The following FBXO4 variants were observed in gnomAD, a reference collection of about 807,000 sequenced individuals.
FBXO4 encodes F-box protein 4, also known as F-box only protein 4.
Under a neutral mutation model 43.7 loss-of-function variants are expected in FBXO4, and 36 were observed. That is an observed-to-expected ratio of 0.82 (90% confidence interval 0.63 to 1.09). The LOEUF is 1.09. Ranked by LOEUF, FBXO4 falls within the 50% of genes least tolerant of loss-of-function variation. The probability of loss-of-function intolerance (pLI) is 0.00; values close to 1 mark genes in which losing one functional copy is unlikely to be tolerated. For synonymous variants in FBXO4, 180 were observed against 165.6 expected, an observed-to-expected ratio of 1.09 and a Z score of -0.67; for missense variants, 435 against 474.1, an observed-to-expected ratio of 0.92 and a Z score of 0.77.
chr5:42,014,816 GGCATCCACCAGAAA>G, the FBXO4 span, among the ~76,000 whole-genome samples: 1 of 152,104 alleles, frequency 6.6e-6, no homozygotes, highest in East Asian at 1.9e-4. Context: ...TAAGCTAGAT[GGCATCCACCAGAAA>G]GCATGGGTTT....
the FBXO4 span, among the ~76,000 whole-genome samples, chr5:41,949,579 G>T: frequency 6.6e-6 from 1 of 152,238 alleles, no homozygotes; most frequent in East Asian, 1.9e-4. Flanking sequence ...ACAAACAAAT[G>T]GAAAAATATT....
At chr5:41,962,755 G>A in the FBXO4 span, among the ~76,000 whole-genome samples, 4 of 152,126 alleles carry the variant, frequency 2.6e-5, no homozygotes, top group Admixed American at 6.5e-5. Context: ...TTTCTCATGA[G>A]TACTCTGTGA....
chr5:41,999,513 A>G, the FBXO4 span, among the ~76,000 whole-genome samples: 1,588 of 120,974 alleles, frequency 0.013, 51 homozygotes, highest in African/African-American at 0.048. Flanking sequence ...ATGTGTATAT[A>G]TATATATATA....
At chr5:41,939,420 G>T (rs537074805) in intron 5 of FBXO4, 21 bp from the exon 6 acceptor site, 4 of 1,569,250 alleles carry the variant, frequency 2.5e-6, no homozygotes, top group Middle Eastern at 1.7e-4. Flanking sequence ...CAAATTAAGG[G>T]TTTTGACTTA....
intron 6 of FBXO4, 76 bp downstream of exon 6, chr5:41,939,692 C>A: frequency 8.1e-7 from 1 of 1,235,116 alleles, no homozygotes; most frequent in South Asian, 1.7e-5. Context: ...TTTTTAAATT[C>A]ATCTTCTTTA....
intron 2 of FBXO4, among the ~76,000 whole-genome samples, chr5:41,928,173 A>G (rs1329077753): frequency 6.6e-6 from 1 of 152,152 alleles, no homozygotes; most frequent in Non-Finnish European, 1.5e-5. Context: ...GTGCTGCTGT[A>G]TCTCACTTGC....
chr5:41,971,186 T>G, the FBXO4 span, among the ~76,000 whole-genome samples: 1 of 149,826 alleles, frequency 6.7e-6, no homozygotes, highest in South Asian at 2.1e-4. Flanking sequence ...AATTTTATAT[T>G]GATGTAAAAC....
At chr5:41,948,608 C>T in the FBXO4 span, among the ~76,000 whole-genome samples, 1 of 152,114 alleles carries the variant, frequency 6.6e-6, no homozygotes, top group African/African-American at 2.4e-5. Context: ...CAGTTTAATT[C>T]TTCATGTATT....
the FBXO4 span, among the ~76,000 whole-genome samples, chr5:41,993,583 T>C: frequency 2.7e-5 from 4 of 147,304 alleles, no homozygotes; most frequent in Non-Finnish European, 6.0e-5. Flanking sequence ...TTTACCCATA[T>C]TAGTCAGGGT....
intron 2 of FBXO4, chr5:41,928,778 A>G (rs1751591978): frequency 1.3e-5 from 2 of 152,288 alleles, no homozygotes; most frequent in South Asian, 2.1e-4. Context: ...TTTCCCCTTC[A>G]TGAGTTACAA....
chr5:41,978,629 G>T, the FBXO4 span, among the ~76,000 whole-genome samples: 1 of 152,024 alleles, frequency 6.6e-6, no homozygotes, highest in African/African-American at 2.4e-5. Context: ...AACTGATATT[G>T]TTTTAGATGG....
At chr5:42,019,719 AG>A in the FBXO4 span, among the ~76,000 whole-genome samples, 1 of 151,768 alleles carries the variant, frequency 6.6e-6, no homozygotes, top group South Asian at 2.1e-4. Flanking sequence ...CAAGAAAGAA[AG>A]AAAAAAGAAA....
the FBXO4 span, among the ~76,000 whole-genome samples, chr5:42,038,620 T>C: frequency 9.2e-5 from 14 of 152,240 alleles, no homozygotes; most frequent in East Asian, 2.5e-3. Flanking sequence ...TTAAAAACAT[T>C]CCAATTCTAC....
the FBXO4 span, among the ~76,000 whole-genome samples, chr5:42,008,393 G>C: frequency 6.6e-6 from 1 of 152,122 alleles, no homozygotes; most frequent in Non-Finnish European, 1.5e-5. Flanking sequence ...TGTGACCAGA[G>C]CTCCTAAGGG....
At chr5:41,954,226 T>A in the FBXO4 span, among the ~76,000 whole-genome samples, 2 of 152,074 alleles carry the variant, frequency 1.3e-5, no homozygotes, top group African/African-American at 2.4e-5. Flanking sequence ...AATAAAAAAA[T>A]TTAAGGAAAT....
chr5:41,961,596 T>G, the FBXO4 span, among the ~76,000 whole-genome samples: 4 of 151,972 alleles, frequency 2.6e-5, no homozygotes, highest in Non-Finnish European at 1.5e-5. Context: ...TTATGCAGAG[T>G]TAAAGTGGCT....
the FBXO4 span, among the ~76,000 whole-genome samples, chr5:41,961,499 C>T: frequency 6.6e-5 from 10 of 152,252 alleles, no homozygotes; most frequent in East Asian, 1.7e-3. Flanking sequence ...GTCTAGGGCT[C>T]AGGGACCCCT....
At chr5:41,979,396 C>T in the FBXO4 span, among the ~76,000 whole-genome samples, 6 of 152,274 alleles carry the variant, frequency 3.9e-5, 1 homozygote, top group African/African-American at 1.4e-4. Context: ...AGTAGTACAG[C>T]TATAGTGCAC....
chr5:42,013,775 C>G, the FBXO4 span, among the ~76,000 whole-genome samples: 1 of 152,202 alleles, frequency 6.6e-6, no homozygotes, highest in Non-Finnish European at 1.5e-5. Flanking sequence ...ACTTTGGTGT[C>G]TCATTCTTTG....
Sources: gnomAD v4.1 joint callset for allele counts (sites outside exome capture counted in the v4.1 genomes callset) on GRCh38, gnomAD v4.1.1 for gene constraint, MANE v1.5 for transcripts, NCBI Gene and HGNC (gene_info 2026-07-23, HGNC 2026-07-21) for gene names.